Variants in CALN1 observed in about 807,000 individuals in gnomAD.
The protein encoded by CALN1 is calcium-binding protein 8.
In CALN1, 17 loss-of-function variants were observed where a neutral mutation model predicts 30.6. That is an observed-to-expected ratio of 0.56 (90% CI 0.38 to 0.83). CALN1 has a LOEUF of 0.83. Ranked by LOEUF, CALN1 falls within the 40% of genes least tolerant of loss-of-function variation. The pLI is 0.00. For missense variants in CALN1, 291 were observed against 354.9 expected (o/e 0.82, Z 1.45); for synonymous variants, 156 against 131.4 (o/e 1.19, Z -1.28).
intron 2 of CALN1, among the ~76,000 whole-genome samples, chr7:72,372,944 T>G (rs1804331710): frequency 6.6e-6 from 1 of 151,166 alleles, no homozygotes; most frequent in South Asian, 2.1e-4. Context: ...GATGTTGGAA[T>G]TATCTGGCAA....
At chr7:72,211,539 AATG>A (rs751258952) in intron 3 of CALN1, among the ~76,000 whole-genome samples, 9 of 152,242 alleles carry the variant, frequency 5.9e-5, no homozygotes, top group Non-Finnish European at 1.2e-4. Flanking sequence ...CCATCTGCAA[AATG>A]ATGATGATCC....
intron 5 of CALN1, among the ~76,000 whole-genome samples, chr7:71,869,209 AAC>A (rs1791775864): frequency 6.6e-6 from 1 of 152,024 alleles, no homozygotes; most frequent in South Asian, 2.1e-4. Context: ...ACCTGGAAAA[AAC>A]ACTTTTTTTT....
rs189990505 is a variant in CALN1, at chr7:71,817,641, G to A, written c.502-7149C>T. 8.5e-4 allele frequency among the ~76,000 whole-genome samples: 130 copies of A among 152,100 alleles called. 1 individual carries two copies. Among genetic ancestry groups the A allele is most frequent in the African/African-American group, 3.0e-3 (123 of 41,506 alleles). ...AGTGGTTCTTCTGCCTCAGCCTCCCGAGTAGCTGGGATTACAGGCGCCCAC... is the reference window on the plus strand; with the variant it reads ...AGTGGTTCTTCTGCCTCAGCCTCCCAAGTAGCTGGGATTACAGGCGCCCAC... On this transcript the variant is annotated intron_variant, in intron 5 of 6. Transcript: ENST00000395275.
chr7:72,407,193 G>C (rs1026121453), intron 1 of CALN1, among the ~76,000 whole-genome samples: 1 of 152,202 alleles, frequency 6.6e-6, no homozygotes, highest in African/African-American at 2.4e-5. Flanking sequence ...GTGCCACTTA[G>C]GGGCTGTGTG....
intron 4 of CALN1, among the ~76,000 whole-genome samples, chr7:72,084,290 C>G (rs1055400602): frequency 6.6e-6 from 1 of 152,148 alleles, no homozygotes; most frequent in African/African-American, 2.4e-5. Context: ...ACCTCAACTT[C>G]TACCACACTC....
chr7:72,278,621 T>C (rs1453144340), intron 3 of CALN1, 65 bp downstream of exon 3: 2 of 1,583,464 alleles, frequency 1.3e-6, no homozygotes, highest in Admixed American at 1.7e-5. Context: ...CAATTGAGCT[T>C]CACAATAGCC....
At chr7:72,048,165 AAGTAGCTGGG>A (rs1458292169) in intron 4 of CALN1, among the ~76,000 whole-genome samples, 28 of 150,570 alleles carry the variant, frequency 1.9e-4, no homozygotes, top group Admixed American at 6.7e-5. Context: ...TCAACCTCCC[AAGTAGCTGGG>A]AGTACAGGTG....
At chr7:72,168,038 T>C (rs184559483) in intron 3 of CALN1, among the ~76,000 whole-genome samples, 176 of 152,346 alleles carry the variant, frequency 1.2e-3, no homozygotes, top group African/African-American at 4.0e-3. Flanking sequence ...CTGGGCAAGA[T>C]GTGAATTTGT....
At chr7:71,908,266 A>G (rs1794245338) in intron 5 of CALN1, among the ~76,000 whole-genome samples, 1 of 152,178 alleles carries the variant, frequency 6.6e-6, no homozygotes, top group Non-Finnish European at 1.5e-5. Flanking sequence ...CTGGTATTGC[A>G]AAACTTGAAT....
chr7:72,113,097 G>GT (rs1807693430), intron 3 of CALN1, among the ~76,000 whole-genome samples: 2 of 152,246 alleles, frequency 1.3e-5, no homozygotes, highest in Admixed American at 6.5e-5. Context: ...TAGTTTGGAT[G>GT]TTTTTTCCCC....
At chr7:72,374,916 T>C (rs1193785386) in intron 2 of CALN1, among the ~76,000 whole-genome samples, 1 of 152,216 alleles carries the variant, frequency 6.6e-6, no homozygotes, top group Non-Finnish European at 1.5e-5. Flanking sequence ...GTAAACACTG[T>C]GATTTTTATA....
chr7:72,059,374 G>C (rs80354917), intron 4 of CALN1, among the ~76,000 whole-genome samples: 99 of 152,214 alleles, frequency 6.5e-4, no homozygotes, highest in Non-Finnish European at 1.2e-3. Flanking sequence ...CCCATGTCAA[G>C]AAAATATGGG....
chr7:72,215,068 A>T (rs990234524), intron 3 of CALN1, among the ~76,000 whole-genome samples: 3 of 152,130 alleles, frequency 2.0e-5, no homozygotes, highest in African/African-American at 7.2e-5. Flanking sequence ...ATGCACATGA[A>T]TCATCCCAAA....
At chr7:71,861,511 C>A (rs1324337592) in intron 5 of CALN1, among the ~76,000 whole-genome samples, 2 of 151,904 alleles carry the variant, frequency 1.3e-5, no homozygotes, top group African/African-American at 4.8e-5. Flanking sequence ...TGTGGTGGCT[C>A]ACACCTGTAA....
At chr7:71,964,331 C>T (rs1200473606) in intron 5 of CALN1, among the ~76,000 whole-genome samples, 1 of 152,166 alleles carries the variant, frequency 6.6e-6, no homozygotes, top group African/African-American at 2.4e-5. Context: ...TGAGTGTTTA[C>T]AGCTCCTGAA....
At chr7:72,484,693 A>G in the CALN1 span, among the ~76,000 whole-genome samples, 2 of 152,214 alleles carry the variant, frequency 1.3e-5, no homozygotes, top group East Asian at 1.9e-4. Context: ...CCAGAATGTC[A>G]GCTATCTCTT....
intron 3 of CALN1, among the ~76,000 whole-genome samples, chr7:72,238,487 C>T (rs146897490): frequency 5.7e-4 from 87 of 152,072 alleles, no homozygotes; most frequent in Non-Finnish European, 1.0e-3. Context: ...CCTAGAAATT[C>T]ATGGAATAAT....
chr7:72,364,077 T>A (rs1041861185), intron 2 of CALN1, among the ~76,000 whole-genome samples: 21 of 142,130 alleles, frequency 1.5e-4, no homozygotes, highest in Admixed American at 2.8e-4. Context: ...AAAAAAAAAA[T>A]ACTTTACTAT....
At chr7:72,365,552 C>G (rs190095354) in intron 2 of CALN1, among the ~76,000 whole-genome samples, 20 of 152,074 alleles carry the variant, frequency 1.3e-4, no homozygotes, top group Non-Finnish European at 2.8e-4. Flanking sequence ...ACCTTAAACT[C>G]CTATGTAGCT....
Sources: gnomAD v4.1 joint callset for allele counts (sites outside exome capture counted in the v4.1 genomes callset) on GRCh38, gnomAD v4.1.1 for gene constraint, MANE v1.5 for transcripts, NCBI Gene and HGNC (gene_info 2026-07-23, HGNC 2026-07-21) for gene names.